PDE8B: variants seen among roughly 807,000 people sequenced by gnomAD.
PDE8B encodes the protein high affinity cAMP-specific and IBMX-insensitive 3',5'-cyclic phosphodiesterase 8B.
A neutral mutation model predicts 101.3 loss-of-function variants in PDE8B; 26 were observed. The ratio of observed to expected loss-of-function variants is 0.26; its 90% CI spans 0.19 to 0.36. The LOEUF (loss-of-function observed/expected upper bound fraction) is 0.36. PDE8B is among the 10% of genes least tolerant of loss of function. The probability of loss-of-function intolerance (pLI) is 1.00; values close to 1 mark genes in which losing one functional copy is unlikely to be tolerated. For missense variants in PDE8B, 810 were observed against 1,163.1 expected (o/e 0.70, Z 4.42); for synonymous variants, 424 against 429.3 (o/e 0.99, Z 0.15).
At chr5:77,420,159 C>T (rs16874254) in intron 19 of PDE8B, among the ~76,000 whole-genome samples, 5,343 of 152,202 alleles carry the variant, frequency 0.035, 129 homozygotes, top group Non-Finnish European at 0.053. Context: ...GAGACGCAGA[C>T]GAACAGAGAC....
At chr5:77,276,561 C>A (rs762082910) in intron 1 of PDE8B, among the ~76,000 whole-genome samples, 24 of 152,184 alleles carry the variant, frequency 1.6e-4, no homozygotes, top group Non-Finnish European at 2.5e-4. Flanking sequence ...ATTAGTTATT[C>A]TTTTCCTCAT....
At chr5:77,163,160 G>T in the PDE8B span, among the ~76,000 whole-genome samples, 1 of 152,110 alleles carries the variant, frequency 6.6e-6, no homozygotes, top group African/African-American at 2.4e-5. Context: ...ATTCAGTTTC[G>T]TGATAGAAAT....
At chr5:77,413,437 G>A in intron 17 of PDE8B, 128 bp downstream of exon 17, 1 of 789,732 alleles carries the variant, frequency 1.3e-6, no homozygotes, top group South Asian at 1.6e-5. Context: ...AAAAAATTTT[G>A]TTACCAAATT....
intron 2 of PDE8B, among the ~76,000 whole-genome samples, chr5:77,312,772 A>T (rs1395191462): frequency 1.3e-5 from 2 of 152,194 alleles, no homozygotes; most frequent in African/African-American, 4.8e-5. Flanking sequence ...ACCATTAATG[A>T]TAGCAGTTGC....
At chr5:77,153,198 A>C in the PDE8B span, among the ~76,000 whole-genome samples, 18 of 152,152 alleles carry the variant, frequency 1.2e-4, no homozygotes, top group African/African-American at 4.1e-4. Context: ...AGAAACCCTG[A>C]CTTAAAGGAG....
intron 6 of PDE8B, among the ~76,000 whole-genome samples, chr5:77,337,878 C>T (rs948009716): frequency 3.4e-4 from 51 of 152,186 alleles, no homozygotes; most frequent in African/African-American, 1.2e-3. Flanking sequence ...GGATTCTCTG[C>T]GTGTCTGGCT....
At chr5:77,179,671 GT>G in the PDE8B span, among the ~76,000 whole-genome samples, 4 of 152,296 alleles carry the variant, frequency 2.6e-5, no homozygotes, top group Admixed American at 2.6e-4. Context: ...TTTGATCCGT[GT>G]TTGACTCATG....
At chr5:77,351,589 T>C (rs1170850625) in intron 9 of PDE8B, among the ~76,000 whole-genome samples, 1 of 152,134 alleles carries the variant, frequency 6.6e-6, no homozygotes, top group Non-Finnish European at 1.5e-5. Flanking sequence ...CCACTGTTTA[T>C]GGAGAGAAAG....
At chr5:77,218,189 G>A (rs975158170) in intron 1 of PDE8B, among the ~76,000 whole-genome samples, 3 of 152,172 alleles carry the variant, frequency 2.0e-5, no homozygotes, top group African/African-American at 7.2e-5. Context: ...GGCGATTTAA[G>A]TTTTAGTGCA....
chr5:77,339,144 G>T (rs1230234996), intron 6 of PDE8B, among the ~76,000 whole-genome samples: 1 of 152,146 alleles, frequency 6.6e-6, no homozygotes, highest in African/African-American at 2.4e-5. Context: ...ACTTTTTAAG[G>T]TCTTATCAGA....
At chr5:77,318,654 G>A (rs894915507) in intron 2 of PDE8B, among the ~76,000 whole-genome samples, 1 of 152,290 alleles carries the variant, frequency 6.6e-6, no homozygotes, top group Middle Eastern at 3.4e-3. Context: ...GCTGTAATCA[G>A]CATCACTTTC....
chr5:77,296,126 T>C (rs1376654247), intron 1 of PDE8B, among the ~76,000 whole-genome samples: 1 of 151,738 alleles, frequency 6.6e-6, no homozygotes, highest in Non-Finnish European at 1.5e-5. Context: ...TGGTTACCTG[T>C]CCTCCTCTTC....
At chr5:77,205,004 C>T in the PDE8B span, among the ~76,000 whole-genome samples, 3 of 152,160 alleles carry the variant, frequency 2.0e-5, no homozygotes, top group South Asian at 6.2e-4. Flanking sequence ...TCTCTCCTAG[C>T]CTGATTATTG....
chr5:77,121,509 CTT>C, the PDE8B span, among the ~76,000 whole-genome samples: 251 of 141,050 alleles, frequency 1.8e-3, no homozygotes, highest in African/African-American at 5.5e-3. Flanking sequence ...ATTAGGCTTC[CTT>C]TTTTTTTTTT....
intron 1 of PDE8B, among the ~76,000 whole-genome samples, chr5:77,224,107 G>A (rs1433704931): frequency 6.6e-6 from 1 of 152,148 alleles, no homozygotes; most frequent in Non-Finnish European, 1.5e-5. Context: ...GAACTATGCT[G>A]TACTGTGGTC....
the PDE8B span, chr5:77,119,035 C>T: frequency 6.6e-6 from 1 of 152,138 alleles, no homozygotes; most frequent in Admixed American, 6.6e-5. Flanking sequence ...CCACTGCAAG[C>T]ATGCACTGTC....
intron 1 of PDE8B, among the ~76,000 whole-genome samples, chr5:77,281,648 GC>G (rs1211215095): frequency 1.3e-5 from 2 of 152,168 alleles, no homozygotes; most frequent in African/African-American, 2.4e-5. Flanking sequence ...TTAGAGGTAG[GC>G]CCCCCACCCC....
chr5:77,095,653 C>T, the PDE8B span, among the ~76,000 whole-genome samples: 3 of 152,160 alleles, frequency 2.0e-5, no homozygotes, highest in Non-Finnish European at 2.9e-5. Flanking sequence ...GCTTGCAAAT[C>T]GACATAGATG....
At chr5:77,290,629 A>C in intron 1 of PDE8B, 1 of 1,512,656 alleles carries the variant, frequency 6.6e-7, no homozygotes, top group South Asian at 1.1e-5. Context: ...GAAGTTCAGG[A>C]GTATGTGGAT....
Sources: gnomAD v4.1 joint callset for allele counts (sites outside exome capture counted in the v4.1 genomes callset) on GRCh38, gnomAD v4.1.1 for gene constraint, MANE v1.5 for transcripts, NCBI Gene and HGNC (gene_info 2026-07-23, HGNC 2026-07-21) for gene names.